Variants in TMEM74 observed in about 807,000 individuals in gnomAD.
TMEM74 encodes the protein transmembrane protein 74.
TMEM74 carries 13 observed loss-of-function variants against 18.1 expected under a neutral mutation model. That is an observed-to-expected ratio of 0.72 (90% CI 0.47 to 1.14). The LOEUF (loss-of-function observed/expected upper bound fraction) is 1.14, where lower values mean the gene tolerates loss of function less well. TMEM74 is among the 50% of genes most tolerant of loss of function. The probability of loss-of-function intolerance (pLI) is 0.00; values close to 1 mark genes in which losing one functional copy is unlikely to be tolerated. For missense variants in TMEM74, 372 were observed against 375.9 expected (o/e 0.99, Z 0.09); for synonymous variants, 159 against 146.6 (o/e 1.08, Z -0.61).
intron 2 of TMEM74, among the ~76,000 whole-genome samples, chr8:108,614,080 A>G (rs2130536179): frequency 6.6e-6 from 1 of 151,510 alleles, no homozygotes; most frequent in South Asian, 2.1e-4. Flanking sequence ...ATATAAATGA[A>G]CTGAAATAAT....
At chr8:108,718,250 G>T (rs551550272) in intron 1 of TMEM74, among the ~76,000 whole-genome samples, 2 of 151,446 alleles carry the variant, frequency 1.3e-5, no homozygotes, top group Non-Finnish European at 2.9e-5. Context: ...GAGCCACCGC[G>T]CCCGGCCCTG....
intron 2 of TMEM74, among the ~76,000 whole-genome samples, chr8:108,610,390 T>A (rs1232207149): frequency 6.6e-6 from 1 of 152,174 alleles, no homozygotes; most frequent in Non-Finnish European, 1.5e-5. Context: ...CTAAATATGT[T>A]GTGAAAAAAT....
At chr8:108,645,189 A>G (rs1484317187) in intron 2 of TMEM74, among the ~76,000 whole-genome samples, 1 of 152,206 alleles carries the variant, frequency 6.6e-6, no homozygotes, top group Non-Finnish European at 1.5e-5. Context: ...GAATGAAATC[A>G]TGACCTTTGC....
rs906074389 is a variant in TMEM74, at chr8:108,625,699, A to G, written n.265-16873T>C. 2.6e-5 allele frequency among the ~76,000 whole-genome samples: 4 copies of G among 151,986 alleles called. No homozygotes were observed. The South Asian group carries it at 6.2e-4, about 24-fold the overall frequency. On this transcript the variant is annotated intron_variant and non_coding_transcript_variant, in intron 2 of 3. Coordinates refer to the TMEM74 transcript ENST00000518838. ...CAATGTGCCTACACTGTTGCCCACT[A>G]TGCAAAATAATTCTTGTTGTTGTCT...
chr8:108,709,596 C>T (rs1030955653), intron 1 of TMEM74, among the ~76,000 whole-genome samples: 1 of 152,070 alleles, frequency 6.6e-6, no homozygotes, highest in Non-Finnish European at 1.5e-5. Flanking sequence ...AAGCTCTAGG[C>T]GTCTGCTGTA....
intron 1 of TMEM74, among the ~76,000 whole-genome samples, chr8:108,751,878 A>G (rs527814182): frequency 6.6e-6 from 1 of 152,282 alleles, no homozygotes; most frequent in South Asian, 2.1e-4. Context: ...TTATTCTAAC[A>G]TGTGAAAAGA....
intron 1 of TMEM74, among the ~76,000 whole-genome samples, chr8:108,658,734 A>G (rs1201142459): frequency 6.6e-6 from 1 of 152,180 alleles, no homozygotes; most frequent in Non-Finnish European, 1.5e-5. Context: ...TGGCAAATCA[A>G]ATAATCTCTC....
chr8:108,697,537 T>A (rs1586264918), intron 1 of TMEM74, among the ~76,000 whole-genome samples: 1 of 152,040 alleles, frequency 6.6e-6, no homozygotes, highest in Admixed American at 6.6e-5. Flanking sequence ...CCCTCCTCAG[T>A]CTCCTATGTA....
downstream of TMEM74, among the ~76,000 whole-genome samples, chr8:108,776,331 A>G (rs150837011): frequency 1.2e-4 from 19 of 152,336 alleles, no homozygotes; most frequent in East Asian, 2.1e-3. Context: ...TGTCTCTACT[A>G]AAAATACAAA....
At chr8:108,691,301 C>A (rs1012228954) in intron 1 of TMEM74, among the ~76,000 whole-genome samples, 1 of 152,192 alleles carries the variant, frequency 6.6e-6, no homozygotes, top group Non-Finnish European at 1.5e-5. Flanking sequence ...TGCAGTCAGA[C>A]GAGCAGCACC....
chr8:108,735,433 G>A (rs919107077), intron 1 of TMEM74, among the ~76,000 whole-genome samples: 12 of 151,650 alleles, frequency 7.9e-5, no homozygotes, highest in African/African-American at 2.7e-4. Flanking sequence ...TCTCTATTCT[G>A]GACTTTTATA....
At chr8:108,651,929 A>G (rs1303410913) in intron 2 of TMEM74, among the ~76,000 whole-genome samples, 3 of 151,708 alleles carry the variant, frequency 2.0e-5, no homozygotes, top group Non-Finnish European at 4.4e-5. Context: ...CAGTGTTACG[A>G]CCATGTGTCG....
chr8:108,696,921 A>T (rs186843166), intron 1 of TMEM74, among the ~76,000 whole-genome samples: 45 of 152,310 alleles, frequency 3.0e-4, no homozygotes, highest in Admixed American at 2.5e-3. Flanking sequence ...GGAAGAATCT[A>T]ACTTAAGGTA....
At chr8:108,770,826 T>C (rs1758356886) in intron 1 of TMEM74, among the ~76,000 whole-genome samples, 1 of 152,204 alleles carries the variant, frequency 6.6e-6, no homozygotes, top group African/African-American at 2.4e-5. Flanking sequence ...CCTCCCACCT[T>C]GCTTCATGAT....
At chr8:108,672,765 C>G (rs1167034063) in intron 1 of TMEM74, among the ~76,000 whole-genome samples, 1 of 152,170 alleles carries the variant, frequency 6.6e-6, no homozygotes, top group Non-Finnish European at 1.5e-5. Context: ...AACAAGGGTC[C>G]TTCTGATGTT....
intron 1 of TMEM74, among the ~76,000 whole-genome samples, chr8:108,684,938 A>C (rs575372768): frequency 6.6e-6 from 1 of 151,974 alleles, no homozygotes; most frequent in South Asian, 2.1e-4. Flanking sequence ...GGTTTCATGA[A>C]AATTTTAGGA....
intron 1 of TMEM74, among the ~76,000 whole-genome samples, chr8:108,720,775 TTTG>T (rs869088700): frequency 6.6e-6 from 1 of 151,960 alleles, no homozygotes; most frequent in East Asian, 1.9e-4. Flanking sequence ...TGTTTGTTTG[TTTG>T]TTTAGTTCAA....
At chr8:108,703,955 T>G (rs1041033126) in intron 1 of TMEM74, among the ~76,000 whole-genome samples, 2 of 152,172 alleles carry the variant, frequency 1.3e-5, no homozygotes, top group Non-Finnish European at 2.9e-5. Context: ...AAGTAAAACT[T>G]TTCCTTGGTT....
At chr8:108,676,523 G>T (rs1288074211) in intron 1 of TMEM74, among the ~76,000 whole-genome samples, 1 of 152,138 alleles carries the variant, frequency 6.6e-6, no homozygotes, top group Admixed American at 6.6e-5. Flanking sequence ...TCTCTCACAT[G>T]TAAACTTCCC....
Sources: allele counts gnomAD v4.1 joint callset (sites outside exome capture counted in the v4.1 genomes callset), GRCh38; gene constraint gnomAD v4.1.1; transcripts MANE v1.5; gene names NCBI Gene and HGNC (gene_info 2026-07-23, HGNC 2026-07-21).